Variants in NYAP2 observed in about 807,000 individuals in gnomAD.
NYAP2 encodes neuronal tyrosine-phosphorylated phosphoinositide-3-kinase adapter 2.
NYAP2 carries 23 observed loss-of-function variants against 50.4 expected under a neutral mutation model. That is an observed-to-expected ratio of 0.46 (90% CI 0.33 to 0.65). The LOEUF (loss-of-function observed/expected upper bound fraction) is 0.65, where lower values mean the gene tolerates loss of function less well. Ranked by LOEUF, NYAP2 falls within the 30% of genes least tolerant of loss-of-function variation. The pLI, the probability that NYAP2 is intolerant of heterozygous loss-of-function variation, is 0.02. For synonymous variants in NYAP2, 394 were observed against 365.2 expected, an observed-to-expected ratio of 1.08 and a Z score of -0.90; for missense variants, 885 against 861.0, an observed-to-expected ratio of 1.03 and a Z score of -0.35.
chr2:225,596,087 A>G (rs1278307337), intron 5 of NYAP2, among the ~76,000 whole-genome samples: 1 of 152,082 alleles, frequency 6.6e-6, no homozygotes. Context: ...GTGGTGATTC[A>G]CAGGCATGTT....
At chr2:225,681,983 T>C in the NYAP2 span, among the ~76,000 whole-genome samples, 1 of 152,192 alleles carries the variant, frequency 6.6e-6, no homozygotes, top group South Asian at 2.1e-4. Flanking sequence ...TAGCCATTGT[T>C]TGTATTGTTT....
At chr2:225,520,633 T>C (rs1291378393) in intron 4 of NYAP2, among the ~76,000 whole-genome samples, 1 of 152,202 alleles carries the variant, frequency 6.6e-6, no homozygotes, top group African/African-American at 2.4e-5. Context: ...TTGATCTATA[T>C]TTCTGTTTTG....
chr2:225,537,149 C>T (rs978969269), intron 4 of NYAP2, among the ~76,000 whole-genome samples: 9 of 152,116 alleles, frequency 5.9e-5, no homozygotes, highest in African/African-American at 1.9e-4. Flanking sequence ...CTACTACCAT[C>T]CCAGCCTCTG....
chr2:225,459,901 C>A (rs2106153130), intron 3 of NYAP2, among the ~76,000 whole-genome samples: 1 of 152,252 alleles, frequency 6.6e-6, no homozygotes, highest in South Asian at 2.1e-4. Context: ...TCTCGATCTC[C>A]TGACCTGTGA....
chr2:225,621,995 T>A (rs1263598502), intron 5 of NYAP2, among the ~76,000 whole-genome samples: 1 of 152,304 alleles, frequency 6.6e-6, no homozygotes, highest in East Asian at 1.9e-4. Context: ...ACTATAAACT[T>A]GGATGTACAA....
Position 225,417,760 on chromosome 2 carries a change from G to T in NYAP2, c.221+8659G>T, listed in dbSNP as rs116083010. 4.7e-3 allele frequency among the ~76,000 whole-genome samples: 716 copies of T among 152,162 alleles called. 3 individuals carry two copies. Among genetic ancestry groups the T allele is most frequent in the African/African-American group, 0.016 (671 of 41,516 alleles). On this transcript the variant is annotated intron_variant, in intron 3 of 6. Coordinates refer to ENST00000636099, the Ensembl canonical transcript of NYAP2. ...AGGATACTTCTTAATTTTCTATTAGGTTGATGTTTATATGTATTGCATAGC... is the reference window on the plus strand; with the variant it reads ...AGGATACTTCTTAATTTTCTATTAGTTTGATGTTTATATGTATTGCATAGC...
intron 3 of NYAP2, among the ~76,000 whole-genome samples, chr2:225,504,953 A>G (rs1690677333): frequency 6.6e-6 from 1 of 151,826 alleles, no homozygotes; most frequent in South Asian, 2.1e-4. Context: ...GGTTGCAGTG[A>G]GCCAAGATTG....
At chr2:225,430,026 G>T (rs138454678) in intron 3 of NYAP2, among the ~76,000 whole-genome samples, 1 of 152,074 alleles carries the variant, frequency 6.6e-6, no homozygotes, top group Non-Finnish European at 1.5e-5. Flanking sequence ...ATAAACTCTG[G>T]ATTATTCTGA....
intron 5 of NYAP2, among the ~76,000 whole-genome samples, chr2:225,622,578 T>C (rs1354453048): frequency 3.0e-5 from 4 of 131,428 alleles, no homozygotes; most frequent in Non-Finnish European, 4.8e-5. Flanking sequence ...TTTCTTTCTT[T>C]CTTCTTTCTT....
intron 5 of NYAP2, among the ~76,000 whole-genome samples, chr2:225,622,252 G>A (rs2106254716): frequency 6.6e-6 from 1 of 152,218 alleles, no homozygotes; most frequent in African/African-American, 2.4e-5. Flanking sequence ...GACTGATTTG[G>A]AATTCCTGAG....
chr2:225,553,799 G>T (rs111885384), intron 4 of NYAP2, among the ~76,000 whole-genome samples: 4,297 of 152,190 alleles, frequency 0.028, 203 homozygotes, highest in African/African-American at 0.097. Context: ...CATTTTGGGA[G>T]GCTGAGGCGG....
In NYAP2 at chr2:225,648,399, T is replaced by C. The variant is rs533849554; in HGVS notation, c.1829-3033T>C. Among the ~76,000 whole-genome samples, 28 of 152,242 alleles carry C rather than the reference T, an allele frequency of 1.8e-4. No individual in the cohort carries two copies. In the East Asian group the frequency reaches 5.4e-3, roughly 29 times the overall value. On this transcript the variant is annotated intron_variant, in intron 6 of 6. Transcript: ENST00000636099. ...GAGGACCTCTGGAAAATAGACGTTTTTCATGATAATAAATATGGAATAATT... is the reference window on the plus strand; with the variant it reads ...GAGGACCTCTGGAAAATAGACGTTTCTCATGATAATAAATATGGAATAATT...
chr2:225,629,679 T>A (rs1225319746), intron 6 of NYAP2, among the ~76,000 whole-genome samples: 4 of 152,006 alleles, frequency 2.6e-5, no homozygotes, highest in Non-Finnish European at 2.9e-5. Flanking sequence ...TGGTGGAAGT[T>A]CAAAGGGGAA....
At chr2:225,688,902 C>T in the NYAP2 span, among the ~76,000 whole-genome samples, 2 of 152,206 alleles carry the variant, frequency 1.3e-5, no homozygotes, top group South Asian at 2.1e-4. Context: ...ACCACCGTGC[C>T]TGGCTAATTT....
the NYAP2 span, among the ~76,000 whole-genome samples, chr2:225,663,586 C>T: frequency 3.9e-5 from 6 of 152,064 alleles, no homozygotes; most frequent in Non-Finnish European, 8.8e-5. Context: ...GAGACAGAGT[C>T]TCACTGTGTC....
downstream of NYAP2, among the ~76,000 whole-genome samples, chr2:225,656,459 C>G (rs1693827807): frequency 6.6e-6 from 1 of 152,178 alleles, no homozygotes; most frequent in Non-Finnish European, 1.5e-5. Flanking sequence ...CTCCTAACTT[C>G]CCCTTTGCTT....
At chr2:225,699,191 T>C in the NYAP2 span, 1 of 151,982 alleles carries the variant, frequency 6.6e-6, no homozygotes, top group Non-Finnish European at 1.5e-5. Flanking sequence ...CTCTTTAGCA[T>C]CCTCTGGCAA....
intron 5 of NYAP2, among the ~76,000 whole-genome samples, chr2:225,593,600 C>T (rs1232362637): frequency 1.3e-5 from 2 of 152,068 alleles, no homozygotes; most frequent in Non-Finnish European, 1.5e-5. Context: ...AAGACTTATT[C>T]CAATGCATTG....
intron 2 of NYAP2, among the ~76,000 whole-genome samples, chr2:225,407,588 TA>T (rs1057184602): frequency 6.6e-6 from 1 of 151,948 alleles, no homozygotes; most frequent in African/African-American, 2.4e-5. Flanking sequence ...ACTATACCTG[TA>T]AAAAAATCAG....
Sources: gnomAD v4.1 joint callset for allele counts (sites outside exome capture counted in the v4.1 genomes callset) on GRCh38, gnomAD v4.1.1 for gene constraint, MANE v1.5 for transcripts, NCBI Gene and HGNC (gene_info 2026-07-23, HGNC 2026-07-21) for gene names.